AP3D1: variants seen among roughly 807,000 people sequenced by gnomAD.
AP3D1 encodes AP-3 complex subunit delta-1.
A neutral mutation model predicts 147.6 loss-of-function variants in AP3D1; 51 were observed. The ratio of observed to expected loss-of-function variants is 0.35; its 90% CI spans 0.28 to 0.44. AP3D1 has a LOEUF of 0.44. Among genes scored for constraint, AP3D1 ranks in the 20% least tolerant of loss-of-function variants. AP3D1 has a pLI of 1.00. For missense variants in AP3D1, 1,421 were observed against 1,624.2 expected (o/e 0.87, Z 2.15); for synonymous variants, 760 against 663.0 (o/e 1.15, Z -2.25).
chr19:2,115,180 G>A (rs757698569), intron 20 of AP3D1, 39 bp downstream of exon 20: 52 of 1,586,162 alleles, frequency 3.3e-5, no homozygotes, highest in Admixed American at 1.4e-4. Flanking sequence ...CATGCGGAAA[G>A]ATAGACATCC....
At chr19:2,150,015 TGGA>T (rs1424324766) in intron 1 of AP3D1, among the ~76,000 whole-genome samples, 8 of 151,932 alleles carry the variant, frequency 5.3e-5, no homozygotes, top group African/African-American at 1.5e-4. Flanking sequence ...GGAAGTGGGG[TGGA>T]GAAGAACAAA....
intron 29 of AP3D1, 75 bp from the exon 30 acceptor site, chr19:2,109,282 CCTGCCACACACG>C: frequency 6.7e-7 from 1 of 1,498,664 alleles, no homozygotes; most frequent in Non-Finnish European, 8.9e-7. Flanking sequence ...GCCAACAAAA[CCTGCCACACACG>C]CTGCGCTTGG....
chr19:2,138,213 C>T (rs2019128407), intron 2 of AP3D1, among the ~76,000 whole-genome samples: 1 of 152,168 alleles, frequency 6.6e-6, no homozygotes, highest in African/African-American at 2.4e-5. Flanking sequence ...AGTGCCTGTC[C>T]CCAGCTCACG....
chr19:2,145,508 C>CG (rs1373846229), intron 1 of AP3D1, among the ~76,000 whole-genome samples: 1 of 152,150 alleles, frequency 6.6e-6, no homozygotes, highest in Non-Finnish European at 1.5e-5. Context: ...GGGTGGAGGC[C>CG]GGGTACGCTG....
intron 1 of AP3D1, among the ~76,000 whole-genome samples, chr19:2,144,041 G>A (rs757020296): frequency 6.6e-6 from 1 of 150,844 alleles, no homozygotes; most frequent in Admixed American, 6.6e-5. Context: ...AGCCGAGATC[G>A]CGCCATTGCA....
At chr19:2,139,097 C>T (rs2019153636) in intron 1 of AP3D1, among the ~76,000 whole-genome samples, 1 of 149,148 alleles carries the variant, frequency 6.7e-6, no homozygotes, top group Admixed American at 6.7e-5. Context: ...GGAAAGAAGC[C>T]AGGCATAAGA....
chr19:2,114,101 C>T (rs372802042), intron 22 of AP3D1, 24 bp downstream of exon 22: 369 of 1,546,344 alleles, frequency 2.4e-4, no homozygotes, highest in Middle Eastern at 1.4e-3. Context: ...TGGAGAAGGC[C>T]GCCGCCCTGG....
At chr19:2,158,116 T>C (rs1402357928) in intron 1 of AP3D1, among the ~76,000 whole-genome samples, 3 of 151,920 alleles carry the variant, frequency 2.0e-5, no homozygotes, top group African/African-American at 4.8e-5. Context: ...AGTGCAGTGG[T>C]GCGATCTCGG....
rs1435787949 is a variant in AP3D1 at position 2,120,984 on chromosome 19, C to T, written c.1359G>A (p.Lys453=). The part of the protein sequence containing the change: ...DVAIRVKAIR[K]FAVSQMSALL... ...GCGCAGACATCTGGGACACGGCGAA[C>T]TTGCGGATGGCCTTCACGCGGATGG... The change falls in exon 14 of 32, where the codon AAG becomes AAA. Residue 453 remains lysine, a synonymous_variant. Coordinates refer to ENST00000643116, the MANE Select transcript of AP3D1 (RefSeq NM_001261826.3). 1 of 1,612,158 alleles carries T rather than the reference C, an allele frequency of 6.2e-7. No homozygotes were observed. Among genetic ancestry groups the T allele is most frequent in the African/African-American group, 1.3e-5 (1 of 74,950 alleles).
At chr19:2,134,555 T>A (rs574467042) in intron 4 of AP3D1, among the ~76,000 whole-genome samples, 1 of 148,806 alleles carries the variant, frequency 6.7e-6, no homozygotes, top group African/African-American at 2.5e-5. Flanking sequence ...ACCAACATGG[T>A]GAAATCCTGT....
At chr19:2,162,406 G>A (rs559437306) in intron 1 of AP3D1, among the ~76,000 whole-genome samples, 2 of 149,902 alleles carry the variant, frequency 1.3e-5, no homozygotes, top group South Asian at 4.2e-4. Flanking sequence ...TCCGAATTTC[G>A]AATTTCGGGA....
chr19:2,109,396 G>A (rs1568275256), intron 29 of AP3D1, 189 bp from the exon 30 acceptor site: 2 of 715,640 alleles, frequency 2.8e-6, no homozygotes, highest in Non-Finnish European at 4.4e-6. Flanking sequence ...CCCAGAAACT[G>A]ACAATGACTT....
At chr19:2,154,910 C>T (rs1455805272), upstream of AP3D1, among the ~76,000 whole-genome samples, 11 of 152,270 alleles carry the variant, frequency 7.2e-5, no homozygotes, top group South Asian at 1.0e-3. Context: ...CCAGGCGGGG[C>T]GGCCAGTGCC....
At chr19:2,117,902 G>A (rs889361334) in intron 15 of AP3D1, among the ~76,000 whole-genome samples, 34 of 152,230 alleles carry the variant, frequency 2.2e-4, no homozygotes, top group Admixed American at 1.3e-4. Flanking sequence ...GTTCACACCC[G>A]TAATCCTTGC....
intron 20 of AP3D1, 67 bp downstream of exon 20, chr19:2,115,152 A>G: frequency 6.7e-7 from 1 of 1,497,580 alleles, no homozygotes; most frequent in Non-Finnish European, 9.1e-7. Flanking sequence ...GCCACTGTGC[A>G]TGGCCCCAGG....
intron 29 of AP3D1, 174 bp from the exon 30 acceptor site, chr19:2,109,381 T>C: frequency 2.4e-6 from 2 of 824,370 alleles, no homozygotes; most frequent in Non-Finnish European, 3.7e-6. Context: ...GCGGAAGCCG[T>C]CACACCCAGA....
intron 1 of AP3D1, among the ~76,000 whole-genome samples, chr19:2,141,725 C>A (rs2019224640): frequency 6.6e-6 from 1 of 151,688 alleles, no homozygotes; most frequent in African/African-American, 2.4e-5. Context: ...CAGGCGTGAG[C>A]CACCATGCCC....
intron 20 of AP3D1, 59 bp from the exon 21 acceptor site, chr19:2,114,880 CATCT>C: frequency 1.3e-6 from 2 of 1,581,194 alleles, no homozygotes; most frequent in Non-Finnish European, 1.7e-6. Flanking sequence ...GGTGGAACGC[CATCT>C]ATCTGGGACG....
chr19:2,116,314 C>T lies in AP3D1; in HGVS notation c.2002-36G>A, dbSNP rs112138202. The T allele has an allele frequency of 2.5e-5, 40 of 1,600,576 alleles. No individual in the cohort carries two copies. In the African/African-American group the frequency reaches 2.7e-4, roughly 11 times the overall value. On this transcript the variant is annotated intron_variant, in intron 17 of 31. Transcript: ENST00000643116. ...CAGCTTGGCATGAGCCCGAGAGAAGCGGGCAGGATACCCCTCTGTGGACGT... is the reference window on the plus strand; with the variant it reads ...CAGCTTGGCATGAGCCCGAGAGAAGTGGGCAGGATACCCCTCTGTGGACGT...
Sources: allele counts gnomAD v4.1 joint callset (sites outside exome capture counted in the v4.1 genomes callset), GRCh38; gene constraint gnomAD v4.1.1; transcripts MANE v1.5; gene names NCBI Gene and HGNC (gene_info 2026-07-23, HGNC 2026-07-21).